UPK1B: variants seen among roughly 807,000 people sequenced by gnomAD.
The protein encoded by UPK1B is uroplakin 1B, also known as uroplakin-1b.
UPK1B carries 28 observed loss-of-function variants against 34.2 expected under a neutral mutation model. The observed-to-expected ratio is 0.82, with a 90% CI of 0.61 to 1.12. The LOEUF (loss-of-function observed/expected upper bound fraction) is 1.12, where lower values mean the gene tolerates loss of function less well. UPK1B is among the 50% of genes most tolerant of loss of function. The pLI, the probability that UPK1B is intolerant of heterozygous loss-of-function variation, is 0.00. For synonymous variants in UPK1B, 81 were observed against 110.4 expected (o/e 0.73, Z 1.67); for missense variants, 325 against 320.9 (o/e 1.01, Z -0.10).
chr3:119,193,021 C>G (rs201361884), intron 5 of UPK1B, among the ~76,000 whole-genome samples: 2 of 196 alleles, frequency 0.01, no homozygotes, highest in Non-Finnish European at 0.021. Flanking sequence ...AAAAACAACC[C>G]TGCCATAATT....
At chr3:119,193,201 C>G (rs567838513) in intron 5 of UPK1B, among the ~76,000 whole-genome samples, 5 of 152,282 alleles carry the variant, frequency 3.3e-5, no homozygotes, top group South Asian at 2.1e-4. Context: ...AATTTTGGAC[C>G]CTTAAATCTT....
chr3:119,182,008 G>A (rs1467720302), intron 1 of UPK1B, among the ~76,000 whole-genome samples: 1 of 152,256 alleles, frequency 6.6e-6, no homozygotes, highest in Non-Finnish European at 1.5e-5. Context: ...AGGCCTTAGA[G>A]CTGGCCAAAG....
At chr3:119,203,845 C>A in intron 7 of UPK1B, 72 bp from the exon 8 acceptor site, 1 of 1,486,560 alleles carries the variant, frequency 6.7e-7, no homozygotes, top group Non-Finnish European at 9.4e-7. Context: ...AACCTAACAT[C>A]CACTTTTTCC....
chr3:119,177,705 T>C (rs1205837170), intron 1 of UPK1B, among the ~76,000 whole-genome samples: 1 of 152,248 alleles, frequency 6.6e-6, no homozygotes, highest in East Asian at 1.9e-4. Context: ...TTTAATGCAA[T>C]TATTTGTTAA....
chr3:119,174,986 T>A (rs2077947474), intron 1 of UPK1B, among the ~76,000 whole-genome samples: 1 of 137,882 alleles, frequency 7.3e-6, no homozygotes, highest in Non-Finnish European at 1.6e-5. Context: ...AAAAAGAAAC[T>A]CAGAACTTTT....
intron 1 of UPK1B, among the ~76,000 whole-genome samples, chr3:119,179,505 G>GTATTTTTT (rs1293357139): frequency 2.2e-5 from 1 of 45,266 alleles, no homozygotes; most frequent in Non-Finnish European, 5.1e-5. Context: ...TGATGTTGCA[G>GTATTTTTT]TCTTTTTTTT....
chr3:119,183,018 A>C (rs965262218), intron 1 of UPK1B, among the ~76,000 whole-genome samples: 1 of 152,196 alleles, frequency 6.6e-6, no homozygotes, highest in African/African-American at 2.4e-5. Flanking sequence ...TGGAGATGTA[A>C]GTGAAGAAAA....
chr3:119,203,335 C>T (rs1432940097), intron 7 of UPK1B, among the ~76,000 whole-genome samples: 2 of 67,742 alleles, frequency 3.0e-5, no homozygotes, highest in Non-Finnish European at 5.1e-5. Context: ...AGCGAAACTC[C>T]GTCTCAAAAA....
At chr3:119,188,930 A>G (rs376075198) in intron 3 of UPK1B, among the ~76,000 whole-genome samples, 1 of 152,180 alleles carries the variant, frequency 6.6e-6, no homozygotes, top group African/African-American at 2.4e-5. Context: ...GAACATTTAC[A>G]TTCTCTGGTT....
At chr3:119,175,182 C>T (rs1420313835) in intron 1 of UPK1B, among the ~76,000 whole-genome samples, 1 of 151,642 alleles carries the variant, frequency 6.6e-6, no homozygotes, top group Non-Finnish European at 1.5e-5. Flanking sequence ...TGTCTGCCAC[C>T]ACGCCCGGCC....
At chr3:119,195,215 TG>T (rs5852191) in intron 6 of UPK1B, among the ~76,000 whole-genome samples, 15,624 of 152,232 alleles carry the variant, frequency 0.1, 996 homozygotes, top group African/African-American at 0.18. Flanking sequence ...AGTGAAGACT[TG>T]TTAATATTCC....
intron 1 of UPK1B, among the ~76,000 whole-genome samples, chr3:119,184,770 A>G (rs1393882140): frequency 2.0e-5 from 3 of 152,194 alleles, no homozygotes; most frequent in Non-Finnish European, 4.4e-5. Flanking sequence ...GAAAGAAGAA[A>G]TTGTCTTATT....
chr3:119,174,495 C>G (rs2077943507), intron 1 of UPK1B, among the ~76,000 whole-genome samples: 1 of 152,190 alleles, frequency 6.6e-6, no homozygotes, highest in South Asian at 2.1e-4. Flanking sequence ...GTGGCACATG[C>G]CTGCAGTTCC....
At chr3:119,175,097 T>G (rs555148159) in intron 1 of UPK1B, among the ~76,000 whole-genome samples, 1 of 134,908 alleles carries the variant, frequency 7.4e-6, no homozygotes, top group East Asian at 2.5e-4. Context: ...GCGTGATCTC[T>G]GCTCACTGCA....
chr3:119,199,203 GC>G, intron 7 of UPK1B, 63 bp downstream of exon 7: 1 of 1,562,856 alleles, frequency 6.4e-7, no homozygotes, highest in Non-Finnish European at 8.8e-7. Flanking sequence ...CCTTGAGAGT[GC>G]CACTGGTTAC....
At chr3:119,189,079 T>C (rs772372399) in intron 3 of UPK1B, among the ~76,000 whole-genome samples, 2 of 152,112 alleles carry the variant, frequency 1.3e-5, no homozygotes, top group Non-Finnish European at 2.9e-5. Flanking sequence ...GGGCCAGCCA[T>C]GTGCATGCCT....
At chr3:119,181,608 G>A (rs1011326468) in intron 1 of UPK1B, among the ~76,000 whole-genome samples, 3 of 152,094 alleles carry the variant, frequency 2.0e-5, no homozygotes, top group African/African-American at 2.4e-5. Flanking sequence ...GCCCACATTC[G>A]TTCCACTTCA....
chr3:119,201,148 T>C (rs2078088758), intron 7 of UPK1B, among the ~76,000 whole-genome samples: 1 of 152,184 alleles, frequency 6.6e-6, no homozygotes, highest in Non-Finnish European at 1.5e-5. Flanking sequence ...GAGTTTTACT[T>C]CCCACTGCAT....
intron 7 of UPK1B, among the ~76,000 whole-genome samples, chr3:119,201,109 C>T (rs1205062855): frequency 6.6e-6 from 1 of 152,106 alleles, no homozygotes; most frequent in African/African-American, 2.4e-5. Context: ...AGTTTAGTGA[C>T]TCTGCCTTGA....
Sources: allele counts gnomAD v4.1 joint callset (sites outside exome capture counted in the v4.1 genomes callset), GRCh38; gene constraint gnomAD v4.1.1; transcripts MANE v1.5; gene names NCBI Gene and HGNC (gene_info 2026-07-23, HGNC 2026-07-21).